Variants in DLG2 observed in about 807,000 individuals in gnomAD.
DLG2 encodes discs large MAGUK scaffold protein 2, also known as disks large homolog 2.
Under a neutral mutation model 132.5 loss-of-function variants are expected in DLG2, and 45 were observed. The ratio of observed to expected loss-of-function variants is 0.34; its 90% CI spans 0.27 to 0.44. The LOEUF (loss-of-function observed/expected upper bound fraction) is 0.44, where lower values mean the gene tolerates loss of function less well. Among genes scored for constraint, DLG2 ranks in the 20% least tolerant of loss-of-function variants. The pLI, the probability that DLG2 is intolerant of heterozygous loss-of-function variation, is 1.00. For synonymous variants in DLG2, 424 were observed against 419.6 expected (o/e 1.01, Z -0.13); for missense variants, 1,045 against 1,196.9 (o/e 0.87, Z 1.87).
chr11:85,064,376 C>A (rs1490795198), intron 6 of DLG2, among the ~76,000 whole-genome samples: 7 of 151,702 alleles, frequency 4.6e-5, no homozygotes, highest in Non-Finnish European at 1.0e-4. Context: ...CATCATATTG[C>A]ACATCAGACC....
chr11:84,581,354 A>T (rs2099515867), intron 6 of DLG2, among the ~76,000 whole-genome samples: 1 of 152,086 alleles, frequency 6.6e-6, no homozygotes. Context: ...ATCACTATAT[A>T]CTATATTTAT....
chr11:84,095,167 A>T (rs1367024494), intron 10 of DLG2, among the ~76,000 whole-genome samples: 1 of 152,130 alleles, frequency 6.6e-6, no homozygotes, highest in Non-Finnish European at 1.5e-5. Flanking sequence ...AGGAAAGGGG[A>T]TAGAGAAGAA....
At chr11:84,981,060 G>A (rs1045501442) in intron 6 of DLG2, among the ~76,000 whole-genome samples, 2 of 152,014 alleles carry the variant, frequency 1.3e-5, no homozygotes, top group Non-Finnish European at 2.9e-5. Context: ...GCATAGCCTC[G>A]GTCTAATGCA....
At chr11:85,482,372 C>A (rs2093318387) in intron 3 of DLG2, among the ~76,000 whole-genome samples, 1 of 152,178 alleles carries the variant, frequency 6.6e-6, no homozygotes, top group Non-Finnish European at 1.5e-5. Context: ...CCAGGCCTTC[C>A]CAGTGCAAGG....
chr11:85,371,375 C>T (rs1292448740), intron 3 of DLG2, among the ~76,000 whole-genome samples: 1 of 152,124 alleles, frequency 6.6e-6, no homozygotes, highest in Non-Finnish European at 1.5e-5. Flanking sequence ...GTAAGGTATA[C>T]TCCTATGAAT....
intron 15 of DLG2, among the ~76,000 whole-genome samples, chr11:83,918,259 A>C (rs961262676): frequency 6.6e-5 from 10 of 152,188 alleles, no homozygotes; most frequent in Non-Finnish European, 2.9e-5. Flanking sequence ...GTGAGAACTC[A>C]GGAGAGACAA....
chr11:84,447,689 A>T (rs1004834509), intron 7 of DLG2, among the ~76,000 whole-genome samples: 22 of 151,776 alleles, frequency 1.4e-4, no homozygotes, highest in Non-Finnish European at 1.9e-4. Flanking sequence ...ATTTATTTAG[A>T]GAATCTTTCC....
chr11:85,144,288 T>C (rs2076691561), intron 5 of DLG2, among the ~76,000 whole-genome samples: 1 of 151,790 alleles, frequency 6.6e-6, no homozygotes, highest in South Asian at 2.1e-4. Context: ...AATATCTTTT[T>C]CCATCCCTTT....
intron 16 of DLG2, among the ~76,000 whole-genome samples, chr11:83,844,511 GC>G (rs1316160608): frequency 3.5e-5 from 4 of 113,438 alleles, no homozygotes; most frequent in African/African-American, 1.4e-4. Flanking sequence ...TCGCATCACT[GC>G]ACTTTAGCTT....
At chr11:83,856,846 A>G (rs1169235836) in intron 16 of DLG2, among the ~76,000 whole-genome samples, 1 of 152,168 alleles carries the variant, frequency 6.6e-6, no homozygotes, top group Non-Finnish European at 1.5e-5. Flanking sequence ...ATCATTTGCC[A>G]GTTTTTGCTT....
At chr11:83,544,259 T>C (rs1831407671) in intron 19 of DLG2, among the ~76,000 whole-genome samples, 1 of 152,174 alleles carries the variant, frequency 6.6e-6, no homozygotes, top group African/African-American at 2.4e-5. Context: ...TAAATCATAA[T>C]CATGAGCATG....
intron 9 of DLG2, among the ~76,000 whole-genome samples, chr11:84,153,202 A>C (rs2154252917): frequency 6.6e-6 from 1 of 152,310 alleles, no homozygotes; most frequent in East Asian, 1.9e-4. Context: ...TCTGCTGAGA[A>C]GTCTGCTGTT....
intron 6 of DLG2, among the ~76,000 whole-genome samples, chr11:84,603,866 TTCTAGTAGG>T (rs957149252): frequency 6.6e-6 from 1 of 151,950 alleles, no homozygotes; most frequent in Non-Finnish European, 1.5e-5. Context: ...GGAGCTTATA[TTCTAGTAGG>T]ATCTAAAAAC....
intron 7 of DLG2, among the ~76,000 whole-genome samples, chr11:84,368,611 T>C (rs545886094): frequency 2.4e-4 from 36 of 152,292 alleles, no homozygotes; most frequent in African/African-American, 7.9e-4. Flanking sequence ...AGGCTTTAGA[T>C]GCATCCTGGT....
intron 4 of DLG2, among the ~76,000 whole-genome samples, chr11:85,253,891 C>T (rs1259240712): frequency 6.6e-6 from 1 of 152,086 alleles, no homozygotes; most frequent in Non-Finnish European, 1.5e-5. Context: ...AGGCTGGACT[C>T]CTCTCTGAAT....
chr11:84,110,015 T>A (rs1271869744), intron 9 of DLG2, among the ~76,000 whole-genome samples: 2 of 152,176 alleles, frequency 1.3e-5, no homozygotes, highest in South Asian at 4.1e-4. Context: ...GTTTAGAACA[T>A]CTTTAGTTCT....
intron 15 of DLG2, among the ~76,000 whole-genome samples, chr11:83,912,357 T>C (rs905511814): frequency 1.3e-5 from 2 of 152,082 alleles, no homozygotes; most frequent in East Asian, 1.9e-4. Context: ...CTGCAAAACC[T>C]AGATCCAAGG....
intron 18 of DLG2, among the ~76,000 whole-genome samples, chr11:83,652,288 C>A (rs997463113): frequency 3.9e-5 from 6 of 151,964 alleles, no homozygotes; most frequent in African/African-American, 1.2e-4. Context: ...GGGAGAGGAA[C>A]AACCTTTGAA....
chr11:85,467,542 G>A (rs2092833471), intron 3 of DLG2, among the ~76,000 whole-genome samples: 1 of 152,090 alleles, frequency 6.6e-6, no homozygotes, highest in African/African-American at 2.4e-5. Context: ...TTTGTCAAAG[G>A]CCTTTTCTGC....
Sources: allele counts gnomAD v4.1 joint callset (sites outside exome capture counted in the v4.1 genomes callset), GRCh38; gene constraint gnomAD v4.1.1; transcripts MANE v1.5; gene names NCBI Gene and HGNC (gene_info 2026-07-23, HGNC 2026-07-21).